Variants in SCD5 observed in about 807,000 individuals in gnomAD.
SCD5 encodes the protein acyl-CoA-desaturase 4.
In SCD5, 20 loss-of-function variants were observed where a neutral mutation model predicts 30.4. The ratio of observed to expected loss-of-function variants is 0.66; its 90% CI spans 0.46 to 0.96. SCD5 has a LOEUF of 0.96. Ranked by LOEUF, SCD5 falls within the 40% of genes least tolerant of loss-of-function variation. The pLI, the probability that SCD5 is intolerant of heterozygous loss-of-function variation, is 0.00. For synonymous variants in SCD5, 173 were observed against 176.4 expected (o/e 0.98, Z 0.16); for missense variants, 381 against 443.3 (o/e 0.86, Z 1.26).
chr4:82,787,359 T>G (rs1366451661), intron 1 of SCD5, among the ~76,000 whole-genome samples: 1 of 151,970 alleles, frequency 6.6e-6, no homozygotes, highest in Non-Finnish European at 1.5e-5. Flanking sequence ...CACAAGGGTG[T>G]TTAAAAATTC....
intron 3 of SCD5, among the ~76,000 whole-genome samples, chr4:82,678,097 TGTTCTAAACTATA>T (rs1294296727): frequency 2.0e-5 from 3 of 152,012 alleles, no homozygotes; most frequent in Non-Finnish European, 4.4e-5. Flanking sequence ...GTTTAGAACG[TGTTCTAAACTATA>T]GTTCTGAGAG....
In SCD5 at chr4:82,790,768, C is replaced by T. The variant is rs1578069973; in HGVS notation, c.232+7538G>A. Among the ~76,000 whole-genome samples the T allele has an allele frequency of 2.0e-5, 3 of 152,206 alleles. No homozygotes were observed. In the East Asian group the frequency reaches 5.8e-4, roughly 29 times the overall value. ...AAACTGAATAATGGTTCTCAGCCCG[C>T]TGTGCATTAGAAACACCTGAATAGC... On this transcript the variant is annotated intron_variant, in intron 1 of 4. Coordinates refer to ENST00000319540, the MANE Select transcript of SCD5 (RefSeq NM_001037582.3).
At chr4:82,777,067 TGGATG>T (rs1187437684) in intron 1 of SCD5, among the ~76,000 whole-genome samples, 1 of 152,254 alleles carries the variant, frequency 6.6e-6, no homozygotes, top group Non-Finnish European at 1.5e-5. Flanking sequence ...GAAAACTGGA[TGGATG>T]AGGAGCCGGA....
chr4:82,692,776 C>T (rs1383345486), intron 2 of SCD5, among the ~76,000 whole-genome samples: 1 of 152,218 alleles, frequency 6.6e-6, no homozygotes, highest in Non-Finnish European at 1.5e-5. Flanking sequence ...TTCATAAACA[C>T]ACCAGAAGGC....
At chr4:82,741,120 G>A (rs79493023) in intron 1 of SCD5, among the ~76,000 whole-genome samples, 9 of 126,178 alleles carry the variant, frequency 7.1e-5, no homozygotes, top group South Asian at 2.5e-4. Flanking sequence ...TTTTTTTTTC[G>A]TAGAGACAGA....
chr4:82,727,418 A>G (rs189991422), intron 1 of SCD5, among the ~76,000 whole-genome samples: 109 of 152,330 alleles, frequency 7.2e-4, no homozygotes, highest in South Asian at 4.1e-3. Flanking sequence ...CTCTATGAGT[A>G]TACAGGTCCC....
At position 82,680,812 on chromosome 4, in the gene SCD5, T is replaced by C; in HGVS notation, c.464A>G (p.His155Arg). 1.9e-6 allele frequency: 3 copies of C among 1,613,866 alleles called. No homozygotes were observed. The highest frequency in any genetic ancestry group is 2.2e-5 in the East Asian group (1 of 44,846). ...HNARRGFFFS[H>R]IGWLFVRKHR... ...CTTGCGAACAAACAGCCACCCAATATGGGAGAAGAAGAAGCCCCGGCGGGC... is the reference window on the plus strand; with the variant it reads ...CTTGCGAACAAACAGCCACCCAATACGGGAGAAGAAGAAGCCCCGGCGGGC... The change falls in exon 3 of 5, where the codon CAT becomes CGT. Residue 155 changes from histidine (H) to arginine (R), a missense_variant. Coordinates refer to ENST00000319540, the MANE Select transcript of SCD5 (RefSeq NM_001037582.3).
intron 2 of SCD5, among the ~76,000 whole-genome samples, chr4:82,704,344 A>C (rs1578029495): frequency 1.3e-5 from 2 of 151,630 alleles, no homozygotes; most frequent in South Asian, 4.2e-4. Flanking sequence ...CTTCCCAATG[A>C]GTGAAAATGC....
intron 3 of SCD5, among the ~76,000 whole-genome samples, chr4:82,654,831 G>C (rs1727835611): frequency 6.6e-6 from 1 of 152,132 alleles, no homozygotes; most frequent in Admixed American, 6.5e-5. Flanking sequence ...TAAAAATTCA[G>C]CCATTCCTGT....
intron 1 of SCD5, among the ~76,000 whole-genome samples, chr4:82,722,665 TGAG>T: frequency 6.7e-6 from 1 of 148,912 alleles, no homozygotes; most frequent in Non-Finnish European, 1.5e-5. Flanking sequence ...ACTGAGGAGC[TGAG>T]GCAAGAGAAT....
At chr4:82,674,426 C>A (rs928605341) in intron 3 of SCD5, among the ~76,000 whole-genome samples, 5 of 152,064 alleles carry the variant, frequency 3.3e-5, no homozygotes, top group African/African-American at 9.7e-5. Flanking sequence ...ATTGAGATAC[C>A]ACTGCATATT....
intron 1 of SCD5, among the ~76,000 whole-genome samples, chr4:82,760,340 C>T (rs113770257): frequency 0.01 from 1,562 of 152,222 alleles, 19 homozygotes; most frequent in Middle Eastern, 0.044. Context: ...TTCCCCTGAA[C>T]AGCCACCCAC....
intron 3 of SCD5, among the ~76,000 whole-genome samples, chr4:82,654,585 T>C (rs1727830009): frequency 6.6e-6 from 1 of 152,162 alleles, no homozygotes; most frequent in Admixed American, 6.5e-5. Flanking sequence ...ACTTCTAATT[T>C]CCAAGGTGGG....
At chr4:82,722,838 C>T (rs1370310992) in intron 1 of SCD5, among the ~76,000 whole-genome samples, 2 of 151,660 alleles carry the variant, frequency 1.3e-5, no homozygotes. Context: ...GAGGCCGAGG[C>T]GGACAAATCA....
chr4:82,737,070 A>G (rs920420711), intron 1 of SCD5, among the ~76,000 whole-genome samples: 1 of 152,038 alleles, frequency 6.6e-6, no homozygotes, highest in Non-Finnish European at 1.5e-5. Context: ...AGCTCAAAGG[A>G]TATGATGTTC....
intron 1 of SCD5, among the ~76,000 whole-genome samples, chr4:82,782,260 C>T (rs953624986): frequency 6.6e-6 from 1 of 151,770 alleles, no homozygotes; most frequent in African/African-American, 2.4e-5. Context: ...TAAGAAGGGA[C>T]CTTAGAGAAG....
At chr4:82,789,377 C>G (rs1722053506) in intron 1 of SCD5, among the ~76,000 whole-genome samples, 1 of 152,192 alleles carries the variant, frequency 6.6e-6, no homozygotes, top group African/African-American at 2.4e-5. Context: ...AAATCCCACT[C>G]AAGTCCAGCT....
At chr4:82,732,940 C>T (rs562630715) in intron 1 of SCD5, among the ~76,000 whole-genome samples, 111 of 152,260 alleles carry the variant, frequency 7.3e-4, no homozygotes, top group Non-Finnish European at 2.6e-4. Flanking sequence ...ATTTTTGTCA[C>T]TACCAGTCTA....
At chr4:82,763,769 C>A (rs1190161998) in intron 1 of SCD5, among the ~76,000 whole-genome samples, 2 of 152,262 alleles carry the variant, frequency 1.3e-5, no homozygotes, top group South Asian at 2.1e-4. Context: ...AACTGTGAGA[C>A]ACATCTCTTT....
Sources: gnomAD v4.1 joint callset for allele counts (sites outside exome capture counted in the v4.1 genomes callset) on GRCh38, gnomAD v4.1.1 for gene constraint, MANE v1.5 for transcripts, NCBI Gene and HGNC (gene_info 2026-07-23, HGNC 2026-07-21) for gene names.